Variants in PEMT observed in about 807,000 individuals in gnomAD.
PEMT encodes the protein phospholipid methyltransferase.
PEMT carries 23 observed loss-of-function variants against 27.4 expected under a neutral mutation model. The ratio of observed to expected loss-of-function variants is 0.84; its 90% CI spans 0.60 to 1.19. The LOEUF (loss-of-function observed/expected upper bound fraction) is 1.19, where lower values mean the gene tolerates loss of function less well. PEMT is among the 50% of genes most tolerant of loss of function. PEMT has a pLI of 0.00. For synonymous variants in PEMT, 137 were observed against 139.1 expected (o/e 0.98, Z 0.11); for missense variants, 307 against 310.1 (o/e 0.99, Z 0.07).
intron 2 of PEMT, among the ~76,000 whole-genome samples, chr17:17,558,692 A>C (rs1162426301): frequency 3.2e-5 from 4 of 124,790 alleles, no homozygotes; most frequent in South Asian, 2.3e-4. Flanking sequence ...GAAAAAAAAA[A>C]AAAAAAACAA....
rs866534197 is a variant in PEMT at position 17,506,293 on chromosome 17, C to G, written c.587G>C (p.Ser196Thr). The G allele has an allele frequency of 8.9e-6, 14 of 1,576,872 alleles. No individual in the cohort carries two copies. The highest frequency in any genetic ancestry group is 1.2e-5 in the Non-Finnish European group (14 of 1,160,530). ...NYLGWAIMHA[S>T]PTGLLLTVLV... ...CACCGTCAGGAGCAGGCCCGTGGGG[C>G]TGGCGTGCCTGAAAGGACAGAGGCA... Residue 196 changes from serine (S) to threonine (T), a missense_variant, in exon 6 of 7, where the codon AGC (serine) becomes ACC (threonine). Ser to Thr is a moderately conservative substitution (Grantham distance 58). Coordinates refer to ENST00000255389, the MANE Select transcript of PEMT (RefSeq NM_148172.3).
intron 2 of PEMT, among the ~76,000 whole-genome samples, chr17:17,549,769 T>C (rs1403018288): frequency 2.0e-5 from 3 of 152,272 alleles, no homozygotes; most frequent in African/African-American, 7.2e-5. Context: ...TGTGACAATC[T>C]GTCCATCCTC....
At chr17:17,509,613 G>T in intron 4 of PEMT, 68 bp from the exon 5 acceptor site, 2 of 1,119,346 alleles carry the variant, frequency 1.8e-6, no homozygotes, top group Non-Finnish European at 2.7e-6. Flanking sequence ...ACTGAGGGAG[G>T]CCCCAGAGCG....
chr17:17,573,466 CAAA>C (rs71152883), intron 2 of PEMT, among the ~76,000 whole-genome samples: 7 of 80,280 alleles, frequency 8.7e-5, no homozygotes, highest in Admixed American at 2.7e-4. Context: ...GATGCTGTCT[CAAA>C]AAAAAAAAAA....
intron 2 of PEMT, among the ~76,000 whole-genome samples, chr17:17,526,905 G>C: frequency 6.6e-6 from 1 of 152,174 alleles, no homozygotes; most frequent in Admixed American, 6.5e-5. Context: ...GCCTACACCA[G>C]CCCAGCTATG....
intron 2 of PEMT, among the ~76,000 whole-genome samples, chr17:17,555,218 G>A (rs568664922): frequency 1.3e-5 from 2 of 152,262 alleles, no homozygotes; most frequent in East Asian, 3.9e-4. Flanking sequence ...GCTCTGCAGA[G>A]CACTGTACCC....
intron 3 of PEMT, among the ~76,000 whole-genome samples, chr17:17,517,651 T>C (rs1486884716): frequency 6.6e-6 from 1 of 152,236 alleles, no homozygotes. Flanking sequence ...AGGGAGTTTT[T>C]GAAAACAGAC....
At chr17:17,508,479 A>G (rs1024437016) in intron 5 of PEMT, among the ~76,000 whole-genome samples, 1 of 152,240 alleles carries the variant, frequency 6.6e-6, no homozygotes, top group African/African-American at 2.4e-5. Flanking sequence ...AGGAGGCAAC[A>G]TCTTGCGCTT....
intron 2 of PEMT, among the ~76,000 whole-genome samples, chr17:17,543,112 C>T (rs1056536176): frequency 6.6e-6 from 1 of 152,240 alleles, no homozygotes; most frequent in Admixed American, 6.5e-5. Flanking sequence ...CTGGCCCGGG[C>T]CACTCGGCCA....
At chr17:17,535,934 C>T (rs1908434564) in intron 2 of PEMT, among the ~76,000 whole-genome samples, 1 of 152,244 alleles carries the variant, frequency 6.6e-6, no homozygotes, top group Non-Finnish European at 1.5e-5. Context: ...TGACAGTCCC[C>T]ATCGGTGAGC....
At position 17,586,331 on chromosome 17, in the gene PEMT, C is replaced by A. The variant is rs991923531; in HGVS notation, c.96+5200G>T. ...TGGAAAATCGGGAGGACGCAGCTGA[C>A]CTGAGCAGCGCCATCCAGTGGCTGG... On this transcript the variant is annotated intron_variant, in intron 1 of 6. Coordinates refer to ENST00000255389, the MANE Select transcript of PEMT (RefSeq NM_148172.3). Among the ~76,000 whole-genome samples the A allele has an allele frequency of 1.5e-4, 23 of 150,686 alleles. 1 individual carries two copies. The highest frequency in any genetic ancestry group is 1.5e-3 in the Admixed American group (23 of 15,108).
intron 2 of PEMT, among the ~76,000 whole-genome samples, chr17:17,573,466 CAA>C (rs71152883): frequency 3.1e-4 from 25 of 80,244 alleles, no homozygotes; most frequent in Non-Finnish European, 4.3e-4. Flanking sequence ...GATGCTGTCT[CAA>C]AAAAAAAAAA....
At position 17,505,594 on chromosome 17, in the gene PEMT, G is replaced by C. The variant is rs1264006243; in HGVS notation, c.*197C>G. On this transcript the variant is annotated 3_prime_UTR_variant, in exon 7 of 7. Transcript: ENST00000255389. ...TCAGGGTGCCTTTATTGGTGAATGG[G>C]AATGTGTGGGTTGGAGCTCAATGGC... The C allele has an allele frequency of 1.7e-5, 8 of 468,420 alleles. No homozygotes were observed. 29.0% of individuals were successfully genotyped at this position (468,420 alleles called of 1,614,324 possible). A position where few individuals can be genotyped will look rare whatever the true frequency, so the allele number is the denominator to read the frequency against.
At chr17:17,532,043 A>C (rs2055308339) in intron 2 of PEMT, among the ~76,000 whole-genome samples, 1 of 152,118 alleles carries the variant, frequency 6.6e-6, no homozygotes, top group South Asian at 2.1e-4. Context: ...AAAACAAAAA[A>C]CTCAATTTTT....
intron 4 of PEMT, among the ~76,000 whole-genome samples, chr17:17,509,886 C>T (rs1906226433): frequency 1.3e-5 from 2 of 152,174 alleles, no homozygotes; most frequent in South Asian, 2.1e-4. Context: ...GCTCTCTGTA[C>T]AGAGAGCGCC....
intron 5 of PEMT, 66 bp from the exon 6 acceptor site, chr17:17,506,367 C>A (rs1905845987): frequency 1.6e-6 from 2 of 1,226,030 alleles, no homozygotes; most frequent in Non-Finnish European, 2.3e-6. Flanking sequence ...GGCCCACCTG[C>A]CCAGGCTGGC....
At chr17:17,510,047 C>T (rs569608986) in intron 4 of PEMT, among the ~76,000 whole-genome samples, 2 of 152,160 alleles carry the variant, frequency 1.3e-5, no homozygotes, top group Non-Finnish European at 2.9e-5. Flanking sequence ...CTGCTCCACA[C>T]CCCAGGCTGT....
At position 17,561,928 on chromosome 17, in the gene PEMT, C is replaced by T. The variant is rs753844529; in HGVS notation, c.204+14992G>A. Among the ~76,000 whole-genome samples the T allele has an allele frequency of 2.0e-5, 3 of 152,148 alleles. No individual in the cohort carries two copies. The highest frequency in any genetic ancestry group is 2.9e-5 in the Non-Finnish European group (2 of 68,012). The stretch of plus-strand genomic sequence containing the variant: ...CAGCAGCCGGGAAGCTGGGCTGTTG[C>T]GAAGTTGGCGCAGGGCATGTGAGGG... On this transcript the variant is annotated intron_variant, in intron 2 of 6. Transcript: ENST00000255389. This position sits in a 1 kb window ranked among gnomAD's most constrained non-coding sequence, Gnocchi z 4.5.
intron 2 of PEMT, among the ~76,000 whole-genome samples, chr17:17,558,805 G>C (rs1910259696): frequency 6.6e-6 from 1 of 151,776 alleles, no homozygotes; most frequent in South Asian, 2.1e-4. Flanking sequence ...ACTATAACAA[G>C]GTCCCTTCCA....
Sources: allele counts gnomAD v4.1 joint callset (sites outside exome capture counted in the v4.1 genomes callset), GRCh38; gene constraint gnomAD v4.1.1; non-coding constraint Gnocchi (gnomAD v3.1); transcripts MANE v1.5; gene names NCBI Gene and HGNC (gene_info 2026-07-23, HGNC 2026-07-21).